PHACTR1: variants seen among roughly 807,000 people sequenced by gnomAD.
The protein encoded by PHACTR1 is RPEL repeat containing 1.
In PHACTR1, 16 loss-of-function variants were observed where a neutral mutation model predicts 69.2. The observed-to-expected ratio is 0.23, with a 90% CI of 0.16 to 0.35. The LOEUF is 0.35. Among genes scored for constraint, PHACTR1 ranks in the 10% least tolerant of loss-of-function variants. The pLI is 1.00. For missense variants in PHACTR1, 510 were observed against 734.7 expected, an observed-to-expected ratio of 0.69 and a Z score of 3.54; for synonymous variants, 312 against 284.5, an observed-to-expected ratio of 1.10 and a Z score of -0.97.
At chr6:12,895,044 A>G (rs1470043702) in intron 4 of PHACTR1, among the ~76,000 whole-genome samples, 1 of 152,182 alleles carries the variant, frequency 6.6e-6, no homozygotes, top group African/African-American at 2.4e-5. Context: ...AATACTTGTT[A>G]AATGAATGAA....
intron 4 of PHACTR1, among the ~76,000 whole-genome samples, chr6:12,793,057 C>T (rs1049915327): frequency 3.9e-5 from 6 of 152,136 alleles, no homozygotes; most frequent in Non-Finnish European, 5.9e-5. Flanking sequence ...GATCAACCCT[C>T]ACCACCTGTT....
intron 5 of PHACTR1, among the ~76,000 whole-genome samples, chr6:13,143,227 C>A (rs910985249): frequency 1.3e-5 from 2 of 152,164 alleles, no homozygotes; most frequent in African/African-American, 4.8e-5. Flanking sequence ...GCTAGCACAA[C>A]AGGGTGACTA....
At chr6:12,769,644 A>T (rs941481425) in intron 4 of PHACTR1, among the ~76,000 whole-genome samples, 1 of 152,256 alleles carries the variant, frequency 6.6e-6, no homozygotes, top group African/African-American at 2.4e-5. Context: ...GTGGGTACAT[A>T]GTGAGCACTG....
chr6:12,788,936 G>A (rs1771884113), intron 4 of PHACTR1, among the ~76,000 whole-genome samples: 2 of 152,230 alleles, frequency 1.3e-5, no homozygotes, highest in South Asian at 4.1e-4. Context: ...AAGGAAGGTA[G>A]GAGCTGAAGT....
chr6:13,287,764 C>G lies in PHACTR1; in HGVS notation c.*686C>G, dbSNP rs1781943913. On this transcript the variant is annotated 3_prime_UTR_variant, in exon 15 of 15. Coordinates refer to ENST00000332995, the MANE Select transcript of PHACTR1 (RefSeq NM_030948.6). ...TCCTGCTCCCTCTGCCTGAGCTGAGCTGCCTTTCAGGAAGCTCTGGTTTAG... is the reference window on the plus strand; with the variant it reads ...TCCTGCTCCCTCTGCCTGAGCTGAGGTGCCTTTCAGGAAGCTCTGGTTTAG... The G allele has an allele frequency of 6.5e-6, 1 of 153,060 alleles. No individual in the cohort carries two copies. Among genetic ancestry groups the G allele is most frequent in the South Asian group, 2.0e-4 (1 of 4,906 alleles). The allele number at this position is 153,060 out of a possible 1,614,324, so 9.5% of individuals were successfully genotyped here.
intron 4 of PHACTR1, among the ~76,000 whole-genome samples, chr6:12,952,265 G>T (rs930767383): frequency 1.3e-5 from 2 of 152,148 alleles, no homozygotes; most frequent in South Asian, 4.1e-4. Context: ...CTGCATTAGG[G>T]TTCACTCTTG....
chr6:12,847,330 T>G (rs1779390869), intron 4 of PHACTR1, among the ~76,000 whole-genome samples: 1 of 152,146 alleles, frequency 6.6e-6, no homozygotes, highest in East Asian at 1.9e-4. Context: ...TAATAGCCAC[T>G]CACTATTTGT....
chr6:13,090,123 C>T (rs1028435147), intron 5 of PHACTR1, among the ~76,000 whole-genome samples: 2 of 152,114 alleles, frequency 1.3e-5, no homozygotes, highest in Non-Finnish European at 2.9e-5. Flanking sequence ...GGCGCGATCT[C>T]GGCTCACTGC....
At chr6:13,239,687 G>A (rs1438185915) in intron 10 of PHACTR1, among the ~76,000 whole-genome samples, 1 of 152,222 alleles carries the variant, frequency 6.6e-6, no homozygotes, top group Admixed American at 6.5e-5. Flanking sequence ...ATGTCTCAGA[G>A]CCCTTGCAGG....
intron 8 of PHACTR1, among the ~76,000 whole-genome samples, chr6:13,218,856 GAGAA>G (rs1768121227): frequency 2.4e-4 from 1 of 4,132 alleles, no homozygotes; most frequent in South Asian, 0.012. Flanking sequence ...GAGGAGGAAA[GAGAA>G]GAGAAGAGAA....
chr6:13,120,642 C>T (rs1818565817), intron 5 of PHACTR1, among the ~76,000 whole-genome samples: 2 of 152,142 alleles, frequency 1.3e-5, no homozygotes, highest in African/African-American at 4.8e-5. Context: ...GACTGTTAGG[C>T]TCATCTCTTT....
intron 3 of PHACTR1, among the ~76,000 whole-genome samples, chr6:12,735,698 G>C (rs1764148856): frequency 6.6e-6 from 1 of 152,206 alleles, no homozygotes; most frequent in Non-Finnish European, 1.5e-5. Context: ...ACACTTTAAA[G>C]AAGAGTTAGA....
chr6:13,169,025 ACCGTTGCTGGGAT>A (rs1259511033), intron 6 of PHACTR1, among the ~76,000 whole-genome samples: 2 of 152,124 alleles, frequency 1.3e-5, no homozygotes, highest in African/African-American at 4.8e-5. Flanking sequence ...CAGCTAGCTG[ACCGTTGCTGGGAT>A]TCAGAGGATG....
At chr6:12,896,978 G>C (rs555702002) in intron 4 of PHACTR1, among the ~76,000 whole-genome samples, 11 of 152,268 alleles carry the variant, frequency 7.2e-5, no homozygotes, top group African/African-American at 2.6e-4. Flanking sequence ...ATGCCTTCTT[G>C]AGCAGTTAGT....
intron 4 of PHACTR1, among the ~76,000 whole-genome samples, chr6:12,862,392 T>G (rs1457499954): frequency 6.6e-6 from 1 of 152,096 alleles, no homozygotes; most frequent in Non-Finnish European, 1.5e-5. Context: ...AGTCACAGTC[T>G]AGGTCAACTA....
chr6:12,768,670 G>C (rs1156380979), intron 4 of PHACTR1, among the ~76,000 whole-genome samples: 3 of 151,854 alleles, frequency 2.0e-5, no homozygotes, highest in African/African-American at 7.3e-5. Flanking sequence ...TTCACATATT[G>C]GTTTCATTTC....
intron 10 of PHACTR1, chr6:13,265,036 A>T (rs1257390459): frequency 2.1e-5 from 3 of 144,712 alleles, no homozygotes; most frequent in Non-Finnish European, 3.0e-5. Context: ...AAAAAAAAAA[A>T]TAATAAAATA....
chr6:13,103,121 T>A (rs1002372190), intron 5 of PHACTR1, among the ~76,000 whole-genome samples: 2 of 152,224 alleles, frequency 1.3e-5, no homozygotes, highest in African/African-American at 4.8e-5. Flanking sequence ...CTATTAAGGT[T>A]TGTCGCAAAT....
intron 4 of PHACTR1, among the ~76,000 whole-genome samples, chr6:12,908,103 G>A (rs1278009427): frequency 8.5e-5 from 13 of 152,116 alleles, no homozygotes; most frequent in Admixed American, 2.6e-4. Flanking sequence ...GACATTTAGG[G>A]ATGTTCTTCT....
Sources: allele counts gnomAD v4.1 joint callset (sites outside exome capture counted in the v4.1 genomes callset), GRCh38; gene constraint gnomAD v4.1.1; transcripts MANE v1.5; gene names NCBI Gene and HGNC (gene_info 2026-07-23, HGNC 2026-07-21).